The following DMXL1 variants were observed in gnomAD, a reference collection of about 807,000 sequenced individuals.
The protein encoded by DMXL1 is dmX-like protein 1.
In DMXL1, 99 loss-of-function variants were observed where a neutral mutation model predicts 319.2. That is an observed-to-expected ratio of 0.31 (90% CI 0.26 to 0.37). The LOEUF (loss-of-function observed/expected upper bound fraction) is 0.37, where lower values mean the gene tolerates loss of function less well. DMXL1 is among the 10% of genes least tolerant of loss of function. The pLI is 1.00. For synonymous variants in DMXL1, 1,385 were observed against 1,235.2 expected, an observed-to-expected ratio of 1.12 and a Z score of -2.54; for missense variants, 3,745 against 3,595.6, an observed-to-expected ratio of 1.04 and a Z score of -1.06.
intron 4 of DMXL1, among the ~76,000 whole-genome samples, chr5:119,106,016 T>C (rs1315696481): frequency 2.6e-5 from 4 of 152,190 alleles, no homozygotes; most frequent in South Asian, 2.1e-4. Context: ...TTATTGCTTA[T>C]GATTCTTTTG....
At chr5:119,216,825 A>G (rs1197710505) in intron 34 of DMXL1, 76 bp from the exon 35 acceptor site, 3 of 768,740 alleles carry the variant, frequency 3.9e-6, no homozygotes, top group Non-Finnish European at 6.6e-6. Flanking sequence ...GCAAGTACTA[A>G]TTGATAGATT....
In DMXL1 at chr5:119,244,417, A is replaced by G; in HGVS notation, c.8763A>G (p.Leu2921=). ...TAGCATATGCTCCAAAACATCAGCT[A>G]CTAATATCAGGTGGCAGAAAAGGTT... ...TVLAYAPKHQ[L]LISGGRKGFT... The change falls in exon 43 of 44, where the codon CTA becomes CTG. Residue 2921 remains leucine (L), a synonymous_variant. Transcript: ENST00000539542. 2.5e-6 allele frequency: 4 copies of G among 1,614,120 alleles called. No individual in the cohort carries two copies. In the South Asian group the frequency reaches 4.4e-5, roughly 18 times the overall value.
At position 119,133,985 on chromosome 5, in the gene DMXL1, T is replaced by A. The variant is rs531681288; in HGVS notation, c.2061T>A (p.Asn687Lys). 6 of 1,614,206 alleles carry A rather than the reference T, an allele frequency of 3.7e-6. No homozygotes were observed. The East Asian group carries it at 1.3e-4, about 36-fold the overall frequency. The stretch of plus-strand genomic sequence containing the variant: ...AAGAATGCTCTTTGACACAACAAAA[T>A]AAAAGCACTGTTGACGTGGCATTTC... ...NIEECSLTQQ[N>K]KSTVDVAFQD... The change falls in exon 12 of 44, where the codon AAT becomes AAA. Residue 687 changes from asparagine (N) to lysine (K), a missense_variant. Asn to Lys is a moderately conservative substitution (Grantham distance 94). Around this residue, in one of 4 missense-constraint regions of DMXL1, gnomAD observed 2,096 missense variants for 1,985.4 expected, o/e 1.06. Coordinates refer to ENST00000539542, the MANE Select transcript of DMXL1 (RefSeq NM_001290321.3).
At chr5:119,140,202 A>C (rs988958320) in intron 13 of DMXL1, among the ~76,000 whole-genome samples, 1 of 152,178 alleles carries the variant, frequency 6.6e-6, no homozygotes, top group African/African-American at 2.4e-5. Flanking sequence ...TAACATCACT[A>C]CTGAAAGAAC....
At chr5:119,172,404 C>T (rs1489116868) in intron 25 of DMXL1, among the ~76,000 whole-genome samples, 2 of 152,260 alleles carry the variant, frequency 1.3e-5, no homozygotes, top group East Asian at 3.9e-4. Flanking sequence ...CCCTGTCATC[C>T]TTCTAGGATA....
intron 8 of DMXL1, among the ~76,000 whole-genome samples, chr5:119,120,324 A>G (rs1266139291): frequency 6.6e-6 from 1 of 152,266 alleles, no homozygotes; most frequent in African/African-American, 2.4e-5. Context: ...TATTGATTCA[A>G]CAACGAATAG....
intron 19 of DMXL1, among the ~76,000 whole-genome samples, chr5:119,159,344 G>T (rs1771762146): frequency 6.6e-6 from 1 of 152,188 alleles, no homozygotes; most frequent in Non-Finnish European, 1.5e-5. Context: ...TAATCTGCCT[G>T]CCTTGGCCTC....
At chr5:119,099,190 T>G (rs2149787716) in intron 2 of DMXL1, among the ~76,000 whole-genome samples, 5 of 30,346 alleles carry the variant, frequency 1.6e-4, no homozygotes, top group African/African-American at 1.5e-3. Context: ...TTTTTTGTTT[T>G]TTGTTTGTTT....
In DMXL1 at chr5:119,248,408, T is replaced by C. The variant is rs567645153; in HGVS notation, c.*1189T>C. 2 of 152,658 alleles carry C rather than the reference T, an allele frequency of 1.3e-5. No homozygotes were observed. The highest frequency in any genetic ancestry group is 6.5e-5 in the Admixed American group (1 of 15,302). The allele number at this position is 152,658 out of a possible 1,614,324, so 9.5% of individuals were successfully genotyped here. A position where few individuals can be genotyped will look rare whatever the true frequency, so the allele number is the denominator to read the frequency against. ...TTTTAACTTAAATGTGCTAACCCTGTTTCTGTCTGTTTTGTGCTGTACCTT... is the reference window on the plus strand; with the variant it reads ...TTTTAACTTAAATGTGCTAACCCTGCTTCTGTCTGTTTTGTGCTGTACCTT... On this transcript the variant is annotated 3_prime_UTR_variant, in exon 44 of 44. Coordinates refer to ENST00000539542, the MANE Select transcript of DMXL1 (RefSeq NM_001290321.3).
At chr5:119,087,526 A>G (rs952688254) in intron 1 of DMXL1, among the ~76,000 whole-genome samples, 20 of 152,304 alleles carry the variant, frequency 1.3e-4, no homozygotes, top group African/African-American at 4.8e-4. Context: ...GGTACTTGAT[A>G]TAATTTCTGT....
At chr5:119,177,264 TAAAC>T (rs1244965688) in intron 26 of DMXL1, 89 bp from the exon 27 acceptor site, 18 of 872,694 alleles carry the variant, frequency 2.1e-5, no homozygotes, top group Admixed American at 6.8e-5. Flanking sequence ...GTATAATTAA[TAAAC>T]AAAAATTGAT....
chr5:119,194,155 C>T (rs79796000), intron 30 of DMXL1, among the ~76,000 whole-genome samples, 185 bp downstream of exon 30: 4,202 of 152,176 alleles, frequency 0.028, 182 homozygotes, highest in African/African-American at 0.096. Flanking sequence ...CTTTATAACA[C>T]ATTGTAACTC....
At position 119,146,998 on chromosome 5, in the gene DMXL1, T is replaced by G. The variant is rs761408840; in HGVS notation, c.2689+42T>G. The stretch of plus-strand genomic sequence containing the variant: ...TGTGTTTGTGCAACTTTAATAGGTG[T>G]AAGTTAACAAATTACACAAAATTAG... On this transcript the variant is annotated intron_variant, in intron 16 of 43. Coordinates refer to ENST00000539542, the MANE Select transcript of DMXL1 (RefSeq NM_001290321.3). The G allele has an allele frequency of 5.0e-6, 8 of 1,595,692 alleles. No individual in the cohort carries two copies. In the African/African-American group the frequency reaches 1.1e-4, roughly 22 times the overall value.
At chr5:119,195,115 G>C (rs1779386994) in intron 30 of DMXL1, among the ~76,000 whole-genome samples, 1 of 152,036 alleles carries the variant, frequency 6.6e-6, no homozygotes, top group African/African-American at 2.4e-5. Context: ...GCAAGGATGA[G>C]GAGAAATTGG....
rs375028615 is a variant in DMXL1, at chr5:119,177,988, C to T, written c.6887-8C>T. On this transcript the variant is annotated splice_polypyrimidine_tract_variant and splice_region_variant and intron_variant, in intron 27 of 43. Coordinates refer to ENST00000539542, the MANE Select transcript of DMXL1 (RefSeq NM_001290321.3). ...GTCAGTGACAGCTATGTTTGTTTGT[C>T]GTTCTAGGAATAACTTGTCTAATTC... 34 of 1,577,382 alleles carry T rather than the reference C, an allele frequency of 2.2e-5. No homozygotes were observed. Among genetic ancestry groups the T allele is most frequent in the South Asian group, 1.4e-4 (12 of 83,564 alleles).
intron 9 of DMXL1, among the ~76,000 whole-genome samples, chr5:119,122,351 C>A (rs1192500630): frequency 6.7e-6 from 1 of 149,248 alleles, no homozygotes; most frequent in Admixed American, 6.6e-5. Flanking sequence ...GGCGGCTGGC[C>A]GGGCAGAGGG....
intron 28 of DMXL1, among the ~76,000 whole-genome samples, chr5:119,185,309 A>C (rs528283343): frequency 6.6e-6 from 1 of 152,098 alleles, no homozygotes; most frequent in Non-Finnish European, 1.5e-5. Flanking sequence ...CATTTTGTAC[A>C]ACTACCGTGG....
At chr5:119,110,316 A>T (rs748692839) in intron 5 of DMXL1, 33 bp downstream of exon 5, 18 of 1,503,258 alleles carry the variant, frequency 1.2e-5, no homozygotes, top group African/African-American at 4.3e-5. Context: ...AAACTGATAA[A>T]CCTGTTGTTC....
At chr5:119,073,158 G>T (rs926743238) in intron 1 of DMXL1, among the ~76,000 whole-genome samples, 4 of 152,156 alleles carry the variant, frequency 2.6e-5, no homozygotes, top group Admixed American at 6.5e-5. Context: ...GACCTCCCCG[G>T]CACAAGCCGT....
Sources: gnomAD v4.1 joint callset for allele counts (sites outside exome capture counted in the v4.1 genomes callset) on GRCh38, gnomAD v4.1.1 for gene constraint, gnomAD v4.1.1 regional missense constraint, MANE v1.5 for transcripts, NCBI Gene and HGNC (gene_info 2026-07-23, HGNC 2026-07-21) for gene names.